Variants in CHST9 observed in about 807,000 individuals in gnomAD.
CHST9 encodes carbohydrate sulfotransferase 9.
In CHST9, 41 loss-of-function variants were observed where a neutral mutation model predicts 44.4. The ratio of observed to expected loss-of-function variants is 0.92; its 90% CI spans 0.72 to 1.20. CHST9 has a LOEUF of 1.20. Among genes scored for constraint, CHST9 ranks in the 50% most tolerant of loss-of-function variants. The pLI is 0.00. For missense variants in CHST9, 504 were observed against 516.5 expected (o/e 0.98, Z 0.23); for synonymous variants, 171 against 178.4 (o/e 0.96, Z 0.33).
In CHST9 at chr18:26,917,297, TAGA is replaced by T. The variant is rs1442615938; in HGVS notation, c.291_293del (p.Leu99del). ...GCCTAGTAGATCTCTCAGAATTGAG[TAGA>T]AGATTTTCCTTTTTTTCTCGTACAT... On this transcript the variant is annotated inframe_deletion, in exon 6 of 6. Transcript: ENST00000618847. The T allele has an allele frequency of 1.2e-6, 2 of 1,612,940 alleles. No individual in the cohort carries two copies. The highest frequency in any genetic ancestry group is 4.5e-5 in the East Asian group (2 of 44,874).
chr18:26,947,237 C>T (rs941628463), intron 4 of CHST9, among the ~76,000 whole-genome samples: 1 of 152,282 alleles, frequency 6.6e-6, no homozygotes, highest in South Asian at 2.1e-4. Context: ...TCCTTCACAT[C>T]CCTTGTAAGT....
At chr18:27,010,651 G>C (rs553195412) in intron 4 of CHST9, among the ~76,000 whole-genome samples, 2 of 152,312 alleles carry the variant, frequency 1.3e-5, no homozygotes, top group South Asian at 4.1e-4. Flanking sequence ...ATATAGAGTT[G>C]ATCTGAGGAT....
chr18:27,120,649 T>C (rs72884346), intron 2 of CHST9, among the ~76,000 whole-genome samples: 13,067 of 152,262 alleles, frequency 0.086, 593 homozygotes, highest in East Asian at 0.14. Flanking sequence ...TCACTCCTAG[T>C]TATGTGCCTT....
chr18:27,107,946 C>A (rs76268292), intron 2 of CHST9, among the ~76,000 whole-genome samples: 2 of 152,142 alleles, frequency 1.3e-5, no homozygotes, highest in African/African-American at 4.8e-5. Flanking sequence ...CTCAATCTCA[C>A]GTCCACGTTA....
At chr18:27,157,323 A>G (rs2058705491) in intron 1 of CHST9, among the ~76,000 whole-genome samples, 1 of 152,190 alleles carries the variant, frequency 6.6e-6, no homozygotes, top group African/African-American at 2.4e-5. Context: ...AAACTCTATA[A>G]AACACTAGAA....
At chr18:27,053,268 G>GAAGAAGAAGAAAA in intron 2 of CHST9, among the ~76,000 whole-genome samples, 1 of 45,010 alleles carries the variant, frequency 2.2e-5, no homozygotes, top group Non-Finnish European at 4.7e-5. Context: ...GAAGGAGAAG[G>GAAGAAGAAGAAAA]AGAAGGAGAA....
intron 1 of CHST9, among the ~76,000 whole-genome samples, chr18:27,146,525 C>T (rs930819343): frequency 6.6e-5 from 10 of 152,110 alleles, no homozygotes; most frequent in Admixed American, 4.6e-4. Context: ...TCCAAGCCTG[C>T]GGAAAAAGTG....
At chr18:27,174,611 A>G (rs2143965764) in intron 1 of CHST9, among the ~76,000 whole-genome samples, 1 of 152,092 alleles carries the variant, frequency 6.6e-6, no homozygotes, top group East Asian at 1.9e-4. Flanking sequence ...CCATTCACCC[A>G]ATGGCAGATG....
At chr18:27,117,200 C>A (rs1459244112) in intron 2 of CHST9, among the ~76,000 whole-genome samples, 1 of 151,926 alleles carries the variant, frequency 6.6e-6, no homozygotes, top group Non-Finnish European at 1.5e-5. Context: ...AATATATCTA[C>A]CCTATGTCAG....
chr18:26,925,757 G>C (rs2055754949), intron 5 of CHST9: 1 of 152,176 alleles, frequency 6.6e-6, no homozygotes, highest in African/African-American at 2.4e-5. Context: ...GGAAATGCCT[G>C]TAGAGATTCC....
At chr18:27,050,600 C>T (rs552679657) in intron 2 of CHST9, among the ~76,000 whole-genome samples, 1 of 152,276 alleles carries the variant, frequency 6.6e-6, no homozygotes, top group Middle Eastern at 3.4e-3. Context: ...ATTTAACTGG[C>T]ACCTTGATTA....
chr18:26,936,503 T>C (rs771587589), intron 5 of CHST9: 1 of 152,158 alleles, frequency 6.6e-6, no homozygotes. Context: ...CTTTAACCTA[T>C]GAAGTGAGTG....
intron 5 of CHST9, chr18:26,924,970 T>C (rs151247): frequency 0.42 from 64,524 of 152,038 alleles, 14,198 homozygotes; most frequent in East Asian, 0.71. Flanking sequence ...GTGCTCCAGG[T>C]ACTGGGCTGT....
chr18:27,008,317 T>C (rs977437343), intron 4 of CHST9, among the ~76,000 whole-genome samples: 3 of 152,202 alleles, frequency 2.0e-5, no homozygotes, highest in Non-Finnish European at 4.4e-5. Context: ...AGATATGGAA[T>C]GGTTACTTCA....
chr18:26,995,590 T>C (rs1437706813), intron 4 of CHST9, among the ~76,000 whole-genome samples: 1 of 152,252 alleles, frequency 6.6e-6, no homozygotes, highest in African/African-American at 2.4e-5. Context: ...TAATTTGTTA[T>C]GCAGCAGTTG....
chr18:26,943,361 G>A (rs1351134542), intron 5 of CHST9, among the ~76,000 whole-genome samples: 1 of 152,120 alleles, frequency 6.6e-6, no homozygotes, highest in South Asian at 2.1e-4. Flanking sequence ...GCACAGATTG[G>A]GTAAAACTAG....
chr18:27,160,043 T>C (rs2058732910), intron 1 of CHST9, among the ~76,000 whole-genome samples: 1 of 152,226 alleles, frequency 6.6e-6, no homozygotes, highest in African/African-American at 2.4e-5. Context: ...TATACAATCA[T>C]GTCTTCCGCA....
Position 26,915,940 on chromosome 18 carries a change from C to T in CHST9, c.*319G>A, listed in dbSNP as rs1429490241. On this transcript the variant is annotated 3_prime_UTR_variant, in exon 6 of 6. Transcript: ENST00000618847. ...ACATACACTCATGCTATTTGAGATC[C>T]TTTTTTCCTACCATTGCAAGAGGCT... The T allele has an allele frequency of 1.4e-5, 3 of 210,262 alleles. No homozygotes were observed. Among genetic ancestry groups the T allele is most frequent in the Non-Finnish European group, 2.9e-5 (3 of 103,948 alleles). 13.0% of individuals were successfully genotyped at this position (210,262 alleles called of 1,614,324 possible). A position where few individuals can be genotyped will look rare whatever the true frequency, so the allele number is the denominator to read the frequency against.
At chr18:26,995,081 G>A (rs1041830803) in intron 4 of CHST9, among the ~76,000 whole-genome samples, 1 of 151,872 alleles carries the variant, frequency 6.6e-6, no homozygotes, top group African/African-American at 2.4e-5. Context: ...GATGGAAGCA[G>A]AGCTTGTGAG....
Sources: gnomAD v4.1 joint callset for allele counts (sites outside exome capture counted in the v4.1 genomes callset) on GRCh38, gnomAD v4.1.1 for gene constraint, MANE v1.5 for transcripts, NCBI Gene and HGNC (gene_info 2026-07-23, HGNC 2026-07-21) for gene names.